ENOPH1: variants seen among roughly 807,000 people sequenced by gnomAD.
ENOPH1 encodes enolase-phosphatase 1, also known as enolase-phosphatase E1.
Under a neutral mutation model 31.1 loss-of-function variants are expected in ENOPH1, and 14 were observed. The ratio of observed to expected loss-of-function variants is 0.45; its 90% CI spans 0.30 to 0.70. The LOEUF (loss-of-function observed/expected upper bound fraction) is 0.70. ENOPH1 is among the 30% of genes least tolerant of loss of function. The pLI is 0.09. For synonymous variants in ENOPH1, 127 were observed against 123.2 expected (o/e 1.03, Z -0.21); for missense variants, 243 against 321.5 (o/e 0.76, Z 1.87).
intron 1 of ENOPH1, among the ~76,000 whole-genome samples, chr4:82,443,268 C>T (rs1483955012): frequency 6.6e-6 from 1 of 151,724 alleles, no homozygotes; most frequent in African/African-American, 2.4e-5. Context: ...GAAACCCCAT[C>T]TCTACTAAAA....
chr4:82,441,551 G>A (rs953563132), intron 1 of ENOPH1, among the ~76,000 whole-genome samples: 5 of 152,108 alleles, frequency 3.3e-5, no homozygotes, highest in South Asian at 2.1e-4. Context: ...GGAGAATGAC[G>A]TGAACCCGGG....
At chr4:82,440,130 TAGAAA>T (rs1480459927) in intron 1 of ENOPH1, among the ~76,000 whole-genome samples, 6 of 152,204 alleles carry the variant, frequency 3.9e-5, no homozygotes, top group Non-Finnish European at 7.4e-5. Context: ...TGATTATAGA[TAGAAA>T]AGAGAAGTGT....
intron 3 of ENOPH1, among the ~76,000 whole-genome samples, chr4:82,454,276 G>T (rs1722426718): frequency 6.6e-6 from 1 of 152,142 alleles, no homozygotes; most frequent in Non-Finnish European, 1.5e-5. Context: ...TTCAAACTTT[G>T]TTTTGATTAT....
chr4:82,433,753 T>C (rs889732194), intron 1 of ENOPH1, among the ~76,000 whole-genome samples: 3 of 152,238 alleles, frequency 2.0e-5, no homozygotes, highest in African/African-American at 7.2e-5. Context: ...ATACACACTT[T>C]GTGAGATTTC....
intron 3 of ENOPH1, among the ~76,000 whole-genome samples, chr4:82,453,129 C>G (rs527364129): frequency 5.9e-5 from 9 of 151,814 alleles, no homozygotes; most frequent in Admixed American, 2.0e-4. Flanking sequence ...TCTCGATCTC[C>G]TGACCTTGTG....
At chr4:82,446,421 CAA>C (rs367842264) in intron 1 of ENOPH1, among the ~76,000 whole-genome samples, 1 of 142,404 alleles carries the variant, frequency 7.0e-6, no homozygotes. Flanking sequence ...GACTCCATCT[CAA>C]AAAAAAAAAA....
At chr4:82,442,898 T>C (rs189535464) in intron 1 of ENOPH1, among the ~76,000 whole-genome samples, 2 of 152,270 alleles carry the variant, frequency 1.3e-5, no homozygotes, top group Non-Finnish European at 2.9e-5. Context: ...GATCTTGGCT[T>C]ACCGTGACCT....
chr4:82,441,321 C>T (rs1722033196), intron 1 of ENOPH1, among the ~76,000 whole-genome samples: 1 of 152,068 alleles, frequency 6.6e-6, no homozygotes, highest in Non-Finnish European at 1.5e-5. Context: ...AGGGAGCTCC[C>T]CTTTATAAAA....
intron 5 of ENOPH1, among the ~76,000 whole-genome samples, chr4:82,458,580 A>G (rs538708831): frequency 6.6e-6 from 1 of 152,344 alleles, no homozygotes; most frequent in South Asian, 2.1e-4. Flanking sequence ...CAGCATTACA[A>G]CAGTAGAGCA....
At chr4:82,446,187 G>A (rs1429296338) in intron 1 of ENOPH1, among the ~76,000 whole-genome samples, 1 of 152,154 alleles carries the variant, frequency 6.6e-6, no homozygotes, top group Non-Finnish European at 1.5e-5. Flanking sequence ...GGAGGCTGAG[G>A]CCGGTGGATC....
chr4:82,442,531 C>CA (rs139764116), intron 1 of ENOPH1, among the ~76,000 whole-genome samples: 10 of 151,030 alleles, frequency 6.6e-5, no homozygotes, highest in African/African-American at 1.5e-4. Context: ...AAAAAACAAA[C>CA]AAAAAAAACA....
chr4:82,430,724 C>G lies in ENOPH1; in HGVS notation c.-106C>G. ...CTTGGTCGCTGGCTCCGAGATCGCG[C>G]GGGGCCGCCGGAAGCCCAAGACGGT... is the stretch of plus-strand genomic sequence containing the variant. On this transcript the variant is annotated 5_prime_UTR_variant, in exon 1 of 6. Coordinates refer to ENST00000273920, the MANE Select transcript of ENOPH1 (RefSeq NM_021204.5). 9.6e-7 allele frequency: 1 copy of G among 1,042,588 alleles called. No homozygotes were observed. The highest frequency in any genetic ancestry group is 1.4e-6 in the Non-Finnish European group (1 of 695,778). 64.6% of individuals were successfully genotyped at this position (1,042,588 alleles called of 1,614,324 possible). A position where few individuals can be genotyped will look rare whatever the true frequency, so the allele number is the denominator to read the frequency against.
At chr4:82,447,080 G>A (rs1024854283) in intron 1 of ENOPH1, among the ~76,000 whole-genome samples, 2 of 151,600 alleles carry the variant, frequency 1.3e-5, no homozygotes, top group African/African-American at 4.9e-5. Flanking sequence ...CTGCCTCCCA[G>A]GTTCAAGCGA....
At chr4:82,454,669 T>C (rs2110046854) in intron 3 of ENOPH1, 53 bp from the exon 4 acceptor site, 1 of 1,576,476 alleles carries the variant, frequency 6.3e-7, no homozygotes, top group Non-Finnish European at 8.6e-7. Flanking sequence ...GACAGGTTTT[T>C]ATCTGGCTAG....
chr4:82,456,178 A>AT (rs139604893), intron 4 of ENOPH1, among the ~76,000 whole-genome samples: 8,129 of 149,730 alleles, frequency 0.054, 313 homozygotes, highest in African/African-American at 0.096. Context: ...AATAAGCAAA[A>AT]TCAGTTTTAA....
At chr4:82,457,497 G>C (rs970550063) in intron 5 of ENOPH1, among the ~76,000 whole-genome samples, 13 of 152,198 alleles carry the variant, frequency 8.5e-5, no homozygotes, top group Admixed American at 2.0e-4. Flanking sequence ...CTGGGTGACA[G>C]AGCAAGACTG....
At position 82,454,594 on chromosome 4, in the gene ENOPH1, T is replaced by A. The variant is rs1385319065; in HGVS notation, c.390-128T>A. 2.9e-5 allele frequency: 29 copies of A among 994,228 alleles called. No individual in the cohort carries two copies. The South Asian group carries it at 3.6e-4, about 12-fold the overall frequency. 61.6% of individuals were successfully genotyped at this position (994,228 alleles called of 1,614,324 possible). A position where few individuals can be genotyped will look rare whatever the true frequency, so the allele number is the denominator to read the frequency against. On this transcript the variant is annotated intron_variant, in intron 3 of 5. Transcript: ENST00000273920. ...TTATTAGAACTGCAGGAGTTTGTAG[T>A]CTCAGGGAGCTGCTTCTCAGGTTAC... is the stretch of plus-strand genomic sequence containing the variant.
At chr4:82,454,669 T>TA in intron 3 of ENOPH1, 53 bp from the exon 4 acceptor site, 2 of 1,576,476 alleles carry the variant, frequency 1.3e-6, no homozygotes, top group Non-Finnish European at 1.7e-6. Flanking sequence ...GACAGGTTTT[T>TA]ATCTGGCTAG....
chr4:82,430,944 T>C, intron 1 of ENOPH1, 31 bp downstream of exon 1: 1 of 1,592,064 alleles, frequency 6.3e-7, no homozygotes, highest in Non-Finnish European at 8.6e-7. Flanking sequence ...GGGATGTTAC[T>C]TTTCCTTAAA....
Sources: allele counts gnomAD v4.1 joint callset (sites outside exome capture counted in the v4.1 genomes callset), GRCh38; gene constraint gnomAD v4.1.1; transcripts MANE v1.5; gene names NCBI Gene and HGNC (gene_info 2026-07-23, HGNC 2026-07-21).